Variants in FSTL5 observed in about 807,000 individuals in gnomAD.
FSTL5 encodes the protein follistatin-related protein 5.
Under a neutral mutation model 89.1 loss-of-function variants are expected in FSTL5, and 62 were observed. The observed-to-expected ratio is 0.70, with a 90% confidence interval of 0.57 to 0.86. The LOEUF is 0.86. Ranked by LOEUF, FSTL5 falls within the 40% of genes least tolerant of loss-of-function variation. FSTL5 has a pLI of 0.00. For synonymous variants in FSTL5, 383 were observed against 346.2 expected (o/e 1.11, Z -1.18); for missense variants, 1,057 against 1,001.6 (o/e 1.06, Z -0.75).
At chr4:161,498,201 T>C (rs992401781) in intron 12 of FSTL5, among the ~76,000 whole-genome samples, 1 of 152,084 alleles carries the variant, frequency 6.6e-6, no homozygotes, top group Non-Finnish European at 1.5e-5. Flanking sequence ...TGTTTTTCTT[T>C]AGTTGTTTTA....
At chr4:161,784,901 C>CAAA (rs1402887255) in intron 4 of FSTL5, among the ~76,000 whole-genome samples, 1 of 122,450 alleles carries the variant, frequency 8.2e-6, no homozygotes, top group Non-Finnish European at 1.6e-5. Flanking sequence ...TCAAAAAAAA[C>CAAA]AAAAACAAAC....
intron 6 of FSTL5, among the ~76,000 whole-genome samples, chr4:161,679,950 T>C (rs1178116310): frequency 6.6e-6 from 1 of 151,804 alleles, no homozygotes; most frequent in Non-Finnish European, 1.5e-5. Context: ...CTAAACAATA[T>C]TAAACTGAGT....
chr4:162,083,044 C>T (rs1465794747), intron 2 of FSTL5, among the ~76,000 whole-genome samples: 1 of 151,516 alleles, frequency 6.6e-6, no homozygotes, highest in South Asian at 2.1e-4. Flanking sequence ...AAACCAGCTG[C>T]CAGTATTTAG....
intron 13 of FSTL5, among the ~76,000 whole-genome samples, chr4:161,466,668 C>A (rs1733757760): frequency 6.6e-6 from 1 of 152,080 alleles, no homozygotes; most frequent in Non-Finnish European, 1.5e-5. Flanking sequence ...TTTTATACTA[C>A]ACAACATCAC....
At chr4:161,754,002 A>G (rs1434674022) in intron 6 of FSTL5, among the ~76,000 whole-genome samples, 1 of 143,776 alleles carries the variant, frequency 7.0e-6, no homozygotes, top group Admixed American at 7.4e-5. Context: ...AGATCGCGCC[A>G]CTGCACTCCA....
intron 15 of FSTL5, among the ~76,000 whole-genome samples, chr4:161,404,488 GT>G (rs1469364902): frequency 2.0e-5 from 3 of 152,120 alleles, no homozygotes; most frequent in Non-Finnish European, 4.4e-5. Flanking sequence ...AGCATTCTAA[GT>G]TTTCCACTAA....
Position 161,605,454 on chromosome 4 carries a change from T to C in FSTL5, c.895-17879A>G, listed in dbSNP as rs933549280. Among the ~76,000 whole-genome samples the C allele has an allele frequency of 3.3e-5, 5 of 152,350 alleles. No homozygotes were observed. The East Asian group carries it at 9.6e-4, about 29-fold the overall frequency. ...AAAAAATTGAAGAGTATATCTATTG[T>C]GGAAGTTAACACTCGCAAGCTTTCA... On this transcript the variant is annotated intron_variant, in intron 7 of 15. Transcript: ENST00000306100.
intron 2 of FSTL5, among the ~76,000 whole-genome samples, chr4:162,098,496 A>T (rs1244214154): frequency 6.6e-6 from 1 of 152,042 alleles, no homozygotes; most frequent in African/African-American, 2.4e-5. Flanking sequence ...ATTGGGATGC[A>T]ATGAGTTAAT....
At chr4:162,104,762 T>C (rs917871553) in intron 2 of FSTL5, among the ~76,000 whole-genome samples, 4 of 152,194 alleles carry the variant, frequency 2.6e-5, no homozygotes, top group Admixed American at 6.5e-5. Context: ...TGACAGGCTA[T>C]CTTTAGAGCT....
intron 13 of FSTL5, among the ~76,000 whole-genome samples, chr4:161,476,309 TCCCAAGTAGCCGGGATTACA>T (rs1734148669): frequency 6.6e-6 from 1 of 151,076 alleles, no homozygotes; most frequent in Non-Finnish European, 1.5e-5. Flanking sequence ...TGCCTCAGCC[TCCCAAGTAGCCGGGATTACA>T]GGCATGCGCC....
intron 12 of FSTL5, among the ~76,000 whole-genome samples, chr4:161,492,956 T>C (rs953513150): frequency 1.6e-4 from 25 of 151,976 alleles, no homozygotes; most frequent in African/African-American, 5.6e-4. Context: ...TTTCCTGTAG[T>C]ATGTTGTCCT....
chr4:161,809,563 A>C (rs947522242), intron 4 of FSTL5, among the ~76,000 whole-genome samples: 2 of 152,234 alleles, frequency 1.3e-5, no homozygotes, highest in African/African-American at 4.8e-5. Context: ...ATTATTCACA[A>C]CAGCCAGAGG....
intron 4 of FSTL5, among the ~76,000 whole-genome samples, chr4:161,845,917 G>T (rs1731353404): frequency 1.3e-5 from 2 of 151,990 alleles, no homozygotes; most frequent in South Asian, 4.1e-4. Flanking sequence ...ATGGTGGCAG[G>T]TGCCTGTAAT....
chr4:161,651,906 A>G (rs142556325), intron 7 of FSTL5, among the ~76,000 whole-genome samples: 96 of 152,292 alleles, frequency 6.3e-4, no homozygotes, highest in African/African-American at 2.2e-3. Flanking sequence ...TTCAAACATC[A>G]ATTGAATATC....
intron 3 of FSTL5, among the ~76,000 whole-genome samples, chr4:161,959,741 G>A (rs540986213): frequency 3.9e-5 from 6 of 152,180 alleles, no homozygotes; most frequent in African/African-American, 1.4e-4. Context: ...CTAGAGTTCT[G>A]TGCTTTACAA....
chr4:161,590,584 A>G (rs755429737), intron 7 of FSTL5, among the ~76,000 whole-genome samples: 2 of 152,154 alleles, frequency 1.3e-5, no homozygotes, highest in Non-Finnish European at 2.9e-5. Flanking sequence ...AATAATGGGT[A>G]GAGGATTCAA....
intron 7 of FSTL5, among the ~76,000 whole-genome samples, chr4:161,623,657 C>CT (rs1462239544): frequency 2.0e-5 from 3 of 151,484 alleles, no homozygotes; most frequent in African/African-American, 7.3e-5. Flanking sequence ...GACACAACTG[C>CT]TTATGAAAGA....
In FSTL5 at chr4:161,887,578, A is replaced by G. The variant is rs1732856031; in HGVS notation, c.409+32826T>C. Among the ~76,000 whole-genome samples, 5 of 152,176 alleles carry G rather than the reference A, an allele frequency of 3.3e-5. No homozygotes were observed. The South Asian group carries it at 1.0e-3, about 32-fold the overall frequency. On this transcript the variant is annotated intron_variant, in intron 4 of 15. Transcript: ENST00000306100. Reference sequence around the variant, plus strand: ...TTTATCTTTTGCTACAATATCCTTAATGGTACCTTTAGCATCTTTTAATTT... The same window carrying G: ...TTTATCTTTTGCTACAATATCCTTAGTGGTACCTTTAGCATCTTTTAATTT...
At chr4:161,425,032 G>T (rs1468917297) in intron 15 of FSTL5, among the ~76,000 whole-genome samples, 2 of 152,220 alleles carry the variant, frequency 1.3e-5, no homozygotes, top group East Asian at 3.9e-4. Flanking sequence ...ACATTTTGTT[G>T]GAAGGAGCCA....
Sources: allele counts gnomAD v4.1 joint callset (sites outside exome capture counted in the v4.1 genomes callset), GRCh38; gene constraint gnomAD v4.1.1; transcripts MANE v1.5; gene names NCBI Gene and HGNC (gene_info 2026-07-23, HGNC 2026-07-21).